DYSF: variants seen among roughly 807,000 people sequenced by gnomAD.
DYSF encodes the protein dysferlin.
A neutral mutation model predicts 274.9 loss-of-function variants in DYSF; 212 were observed. That is an observed-to-expected ratio of 0.77 (90% CI 0.69 to 0.86). The LOEUF (loss-of-function observed/expected upper bound fraction) is 0.86. DYSF is among the 40% of genes least tolerant of loss of function. DYSF has a pLI of 0.00. For synonymous variants in DYSF, 1,091 were observed against 1,078.7 expected, an observed-to-expected ratio of 1.01 and a Z score of -0.22; for missense variants, 2,666 against 2,783.2, an observed-to-expected ratio of 0.96 and a Z score of 0.95.
chr2:71,484,755 A>T (rs924849525), intron 3 of DYSF, among the ~76,000 whole-genome samples: 1 of 152,204 alleles, frequency 6.6e-6, no homozygotes, highest in Non-Finnish European at 1.5e-5. Context: ...GATTTCTAAG[A>T]CCACAGAGGC....
At position 71,681,033 on chromosome 2, in the gene DYSF, A is replaced by G. The variant is rs761340591; in HGVS notation, c.6096A>G (p.Ala2032=). 6.2e-7 allele frequency: 1 copy of G among 1,614,186 alleles called. No individual in the cohort carries two copies. The highest frequency in any genetic ancestry group is 1.1e-5 in the South Asian group (1 of 91,086). ...TGGAAATGACCTTGGAGATTGTAGC[A>G]GAGAGTGAGCATGAGGAGCGGCCTG... ...GKLEMTLEIV[A]ESEHEERPAG... is the part of the protein sequence containing the mutation. The change falls in exon 54 of 56, where the codon GCA becomes GCG. Residue 2032 remains alanine (A), a synonymous_variant. Transcript: ENST00000410020.
chr2:71,597,525 C>G (rs115911317), intron 32 of DYSF, among the ~76,000 whole-genome samples: 2,338 of 152,314 alleles, frequency 0.015, 61 homozygotes, highest in African/African-American at 0.054. Context: ...CCAGCCCACC[C>G]CGGCCCTGCT....
rs199870606 is a variant in DYSF, at chr2:71,611,483, C to T, written c.4078C>T (p.Arg1360Trp). ...TGCTTAGATCCTGGCATGGGGCCTG[C>T]GGAACATGAAGAGTTACCAGCTGGC... ...TAIEILAWGL[R>W]NMKSYQLANI... Residue 1360 changes from arginine (R) to tryptophan (W), a missense_variant, in exon 38 of 56, where the codon CGG (arginine) becomes TGG (tryptophan). By Grantham distance (101) the Arg-to-Trp change is moderately radical. Around this residue, in one of 3 missense-constraint regions of DYSF, gnomAD observed 1,460 missense variants for 1,502.1 expected, o/e 0.97. Coordinates refer to ENST00000410020, the MANE Select transcript of DYSF (RefSeq NM_001130987.2). The T allele has an allele frequency of 1.0e-4, 163 of 1,614,092 alleles. No homozygotes were observed. The highest frequency in any genetic ancestry group is 2.7e-4 in the South Asian group (25 of 91,078).
intron 32 of DYSF, among the ~76,000 whole-genome samples, chr2:71,591,183 G>A (rs2093253119): frequency 6.6e-6 from 1 of 152,226 alleles, no homozygotes; most frequent in Non-Finnish European, 1.5e-5. Flanking sequence ...TGCGCTCTCT[G>A]TCTAGAACAC....
Position 71,613,396 on chromosome 2 carries a change from C to A in DYSF, c.4450C>A (p.Leu1484Ile), listed in dbSNP as rs375465887. The A allele has an allele frequency of 1.2e-5, 20 of 1,613,004 alleles. No homozygotes were observed. Among genetic ancestry groups the A allele is most frequent in the Non-Finnish European group, 1.5e-5 (18 of 1,179,626 alleles). ...CATCGACATTGATGACAAGGAGCCC[C>A]TCATCCCCATCCAGGTAGGATGGGC... ...VLIDIDDKEPLIPIQLADGLS... is the reference protein window; with the variant it reads ...VLIDIDDKEPIIPIQLADGLS... Residue 1484 changes from leucine to isoleucine, a missense_variant, in exon 40 of 56, where the codon CTC becomes ATC. This residue lies in a region of DYSF where 1,460 missense variants were observed against 1,502.1 expected (regional missense o/e 0.97). Transcript: ENST00000410020.
intron 40 of DYSF, among the ~76,000 whole-genome samples, 185 bp downstream of exon 40, chr2:71,613,595 G>T (rs1368186025): frequency 6.6e-6 from 1 of 152,168 alleles, no homozygotes; most frequent in Non-Finnish European, 1.5e-5. Context: ...GCTGAGGGGG[G>T]TGGGGTGTGC....
At chr2:71,560,792 G>A (rs1190796840) in intron 22 of DYSF, among the ~76,000 whole-genome samples, 1 of 152,128 alleles carries the variant, frequency 6.6e-6, no homozygotes, top group Non-Finnish European at 1.5e-5. Flanking sequence ...GGTGGGGGGT[G>A]CTGCAAGTGG....
intron 3 of DYSF, among the ~76,000 whole-genome samples, chr2:71,491,010 A>AT (rs1393464887): frequency 6.6e-6 from 1 of 152,174 alleles, no homozygotes; most frequent in Non-Finnish European, 1.5e-5. Context: ...AGCAAATAAC[A>AT]TTTTTTGTAG....
At chr2:71,464,691 C>T (rs561820600), upstream of DYSF, among the ~76,000 whole-genome samples, 144 of 152,192 alleles carry the variant, frequency 9.5e-4, 1 homozygote, top group Middle Eastern at 0.017. Context: ...TTCAAGGTCA[C>T]GTAAGGCCTT....
Position 71,656,109 on chromosome 2 carries a change from G to T in DYSF, c.4627-53G>T, listed in dbSNP as rs562674030. ...CTCTTGTTTCCTTTCCTTTGCTGTT[G>T]TTCTACTTTCTTTCTGTCTCTTGTC... On this transcript the variant is annotated intron_variant, in intron 42 of 55. Transcript: ENST00000410020. The T allele has an allele frequency of 1.5e-5, 24 of 1,609,596 alleles. No individual in the cohort carries two copies. In the African/African-American group the frequency reaches 2.7e-4, roughly 18 times the overall value.
chr2:71,670,488 G>A (rs957262459), intron 51 of DYSF, among the ~76,000 whole-genome samples: 1 of 152,192 alleles, frequency 6.6e-6, no homozygotes, highest in Non-Finnish European at 1.5e-5. Context: ...TATGGTCACC[G>A]TCCAAGCTAG....
chr2:71,521,045 A>G (rs2087213664), intron 12 of DYSF, 141 bp downstream of exon 12: 1 of 695,082 alleles, frequency 1.4e-6, no homozygotes, highest in Non-Finnish European at 2.5e-6. Flanking sequence ...TGGAACATGT[A>G]GAAAGGTGTT....
At chr2:71,658,540 G>A (rs1170013967) in intron 43 of DYSF, among the ~76,000 whole-genome samples, 1 of 152,196 alleles carries the variant, frequency 6.6e-6, no homozygotes, top group African/African-American at 2.4e-5. Context: ...AAGAAAAAGA[G>A]GTTTAATTGA....
chr2:71,590,162 A>C (rs1574208317), intron 31 of DYSF, 49 bp from the exon 32 acceptor site: 1 of 1,602,630 alleles, frequency 6.2e-7, no homozygotes, highest in Non-Finnish European at 8.5e-7. Flanking sequence ...CCAGCTCTTA[A>C]CCACTCCAGC....
chr2:71,681,191 C>A, intron 54 of DYSF, 81 bp downstream of exon 54: 2 of 1,355,394 alleles, frequency 1.5e-6, no homozygotes, highest in South Asian at 1.2e-5. Flanking sequence ...CATTGCATGG[C>A]CATGTAGAAG....
intron 12 of DYSF, among the ~76,000 whole-genome samples, chr2:71,521,498 T>C (rs1480070811): frequency 6.6e-6 from 1 of 152,176 alleles, no homozygotes; most frequent in Non-Finnish European, 1.5e-5. Context: ...CTCATGGTGC[T>C]CAGCAGCGCA....
At chr2:71,458,051 G>A (rs569013772) in intron 1 of DYSF, among the ~76,000 whole-genome samples, 16 of 152,264 alleles carry the variant, frequency 1.1e-4, no homozygotes, top group South Asian at 2.1e-4. Context: ...TCTTGAACTC[G>A]GGATCCCAGG....
intron 3 of DYSF, among the ~76,000 whole-genome samples, chr2:71,498,776 G>T (rs75275515): frequency 0.028 from 4,272 of 152,300 alleles, 82 homozygotes; most frequent in Non-Finnish European, 0.04. Context: ...GCATTTTGGA[G>T]ATTAAAGGCA....
chr2:71,555,226 T>A (rs918719146), intron 21 of DYSF, among the ~76,000 whole-genome samples: 23 of 152,212 alleles, frequency 1.5e-4, no homozygotes, highest in African/African-American at 5.3e-4. Context: ...TCTGGGCCCA[T>A]CACTGGCTCA....
Sources: allele counts gnomAD v4.1 joint callset (sites outside exome capture counted in the v4.1 genomes callset), GRCh38; gene constraint gnomAD v4.1.1; regional missense constraint gnomAD v4.1.1; transcripts MANE v1.5; gene names NCBI Gene and HGNC (gene_info 2026-07-23, HGNC 2026-07-21).